The following LRFN5 variants were observed in gnomAD, a reference collection of about 807,000 sequenced individuals.
The protein encoded by LRFN5 is leucine rich repeat and fibronectin type III domain containing 5, also known as leucine-rich repeat and fibronectin type-III domain-containing protein 5.
A neutral mutation model predicts 45.6 loss-of-function variants in LRFN5; 24 were observed. That is an observed-to-expected ratio of 0.53 (90% CI 0.38 to 0.74). LRFN5 has a LOEUF of 0.74. Among genes scored for constraint, LRFN5 ranks in the 30% least tolerant of loss-of-function variants. The pLI is 0.00. For synonymous variants in LRFN5, 340 were observed against 313.8 expected (o/e 1.08, Z -0.88); for missense variants, 776 against 861.5 (o/e 0.90, Z 1.24).
At chr14:41,722,608 C>T (rs1049323264) in intron 1 of LRFN5, among the ~76,000 whole-genome samples, 32 of 150,260 alleles carry the variant, frequency 2.1e-4, no homozygotes, top group African/African-American at 7.6e-4. Flanking sequence ...TTTGTCCCCA[C>T]TCCGGGGTGT....
chr14:41,764,781 C>T (rs906999592), intron 1 of LRFN5, among the ~76,000 whole-genome samples: 5 of 130,474 alleles, frequency 3.8e-5, no homozygotes, highest in Non-Finnish European at 5.4e-5. Flanking sequence ...TATTTACTAA[C>T]ATGTGTGCAG....
At chr14:41,818,629 T>C (rs1888003681) in intron 2 of LRFN5, among the ~76,000 whole-genome samples, 1 of 152,114 alleles carries the variant, frequency 6.6e-6, no homozygotes, top group African/African-American at 2.4e-5. Flanking sequence ...ATCTTTCAAG[T>C]TTGTTGTGGC....
At chr14:41,706,221 C>T (rs986917618) in intron 1 of LRFN5, among the ~76,000 whole-genome samples, 11 of 152,124 alleles carry the variant, frequency 7.2e-5, no homozygotes, top group African/African-American at 2.4e-4. Flanking sequence ...CCACCTCAGC[C>T]TCCTGAGTAG....
rs542655105 is a variant in LRFN5 at position 41,710,446 on chromosome 14, A to G, written c.-196-56408A>G. 2.0e-5 allele frequency among the ~76,000 whole-genome samples: 3 copies of G among 152,152 alleles called. No individual in the cohort carries two copies. The East Asian group carries it at 5.8e-4, about 29-fold the overall frequency. On this transcript the variant is annotated intron_variant, in intron 1 of 5. Coordinates refer to ENST00000298119, the MANE Select transcript of LRFN5 (RefSeq NM_152447.5). Reference sequence around the variant, plus strand: ...GTTATATCTTTTCAAATATGTATTCAGTAGAGGGTTTCCTGTTAATGTAGG... The same window carrying G: ...GTTATATCTTTTCAAATATGTATTCGGTAGAGGGTTTCCTGTTAATGTAGG...
At chr14:41,731,564 C>T (rs1454509240) in intron 1 of LRFN5, among the ~76,000 whole-genome samples, 2 of 152,098 alleles carry the variant, frequency 1.3e-5, no homozygotes, top group Non-Finnish European at 2.9e-5. Context: ...TGCAGTCTTG[C>T]ATCAGATAGA....
chr14:41,612,776 A>T (rs372730492), intron 1 of LRFN5, among the ~76,000 whole-genome samples: 1 of 152,102 alleles, frequency 6.6e-6, no homozygotes, highest in African/African-American at 2.4e-5. Context: ...TATTGAAGCT[A>T]TTCCAGTTAG....
In LRFN5 at chr14:41,658,998, C is replaced by G. The variant is rs532611718; in HGVS notation, c.-197+50436C>G. ...CCGTGTTTTCTTTTTTTCTTAGCCC[C>G]TAAAATTTCTTTTGGCTCTATTACA... On this transcript the variant is annotated intron_variant, in intron 1 of 5. Transcript: ENST00000298119. 4.0e-5 allele frequency among the ~76,000 whole-genome samples: 6 copies of G among 151,854 alleles called. No homozygotes were observed. The East Asian group carries it at 7.8e-4, about 20-fold the overall frequency.
intron 1 of LRFN5, among the ~76,000 whole-genome samples, chr14:41,762,917 AACAACTC>A (rs1273806433): frequency 3.9e-5 from 6 of 152,194 alleles, no homozygotes; most frequent in Non-Finnish European, 8.8e-5. Flanking sequence ...ATAAAGGTAG[AACAACTC>A]ATTCTTTATT....
At chr14:41,864,088 T>C (rs1272981503) in intron 2 of LRFN5, among the ~76,000 whole-genome samples, 5 of 152,174 alleles carry the variant, frequency 3.3e-5, no homozygotes, top group Non-Finnish European at 7.3e-5. Context: ...GGCATTTGGG[T>C]TGGTTTCAAG....
chr14:41,874,807 G>T (rs1210709803), intron 2 of LRFN5, among the ~76,000 whole-genome samples: 1 of 152,154 alleles, frequency 6.6e-6, no homozygotes, highest in Non-Finnish European at 1.5e-5. Context: ...TAGCGGGGCT[G>T]GAAAGGCCTC....
chr14:41,843,714 G>A (rs552555363), intron 2 of LRFN5, among the ~76,000 whole-genome samples: 3 of 151,966 alleles, frequency 2.0e-5, no homozygotes, highest in Non-Finnish European at 4.4e-5. Flanking sequence ...TCTTGCCTAC[G>A]TATACATATA....
At chr14:41,853,809 T>C (rs1889357263) in intron 2 of LRFN5, among the ~76,000 whole-genome samples, 1 of 152,102 alleles carries the variant, frequency 6.6e-6, no homozygotes, top group Admixed American at 6.6e-5. Context: ...ATTCTAGTGG[T>C]ATAGCAATGT....
intron 2 of LRFN5, among the ~76,000 whole-genome samples, chr14:41,784,585 A>C (rs1886648745): frequency 6.7e-6 from 1 of 150,290 alleles, no homozygotes; most frequent in Non-Finnish European, 1.5e-5. Flanking sequence ...TTTTTTCTTC[A>C]TTTGCCTAAG....
chr14:41,737,601 C>T (rs535910027), intron 1 of LRFN5, among the ~76,000 whole-genome samples: 10 of 152,104 alleles, frequency 6.6e-5, no homozygotes, highest in African/African-American at 2.2e-4. Flanking sequence ...TTTAGAAAAC[C>T]CCATCATCTC....
chr14:41,732,951 T>A (rs1451833190), intron 1 of LRFN5, among the ~76,000 whole-genome samples: 2 of 149,980 alleles, frequency 1.3e-5, no homozygotes, highest in Admixed American at 1.3e-4. Flanking sequence ...AAGAAAAAAA[T>A]TCACTAGAGG....
At chr14:41,850,134 A>T (rs923060922) in intron 2 of LRFN5, among the ~76,000 whole-genome samples, 14 of 151,956 alleles carry the variant, frequency 9.2e-5, no homozygotes. Flanking sequence ...ATGCATGTAT[A>T]GTGCATGTAT....
chr14:41,699,737 C>T (rs529607052), intron 1 of LRFN5: 2 of 152,180 alleles, frequency 1.3e-5, no homozygotes, highest in South Asian at 4.1e-4. Flanking sequence ...CAACCCCAGA[C>T]ACTAATCAGG....
In LRFN5 at chr14:41,606,963, A is replaced by G. The variant is rs1028485830; in HGVS notation, c.-1796A>G. Among the ~76,000 whole-genome samples, 22 of 151,864 alleles carry G rather than the reference A, an allele frequency of 1.4e-4. No homozygotes were observed. The highest frequency in any genetic ancestry group is 5.9e-5 in the Non-Finnish European group (4 of 67,920). ...GTTGCCCACACGCGACGCTTTGGGA[A>G]GCCCAGCTCCCGGGTCCGCCCCGGC... On this transcript the variant is annotated 5_prime_UTR_variant, in exon 1 of 6. Coordinates refer to ENST00000298119, the MANE Select transcript of LRFN5 (RefSeq NM_152447.5).
chr14:41,890,154 G>A (rs533883386), intron 3 of LRFN5, among the ~76,000 whole-genome samples: 12 of 152,116 alleles, frequency 7.9e-5, no homozygotes, highest in African/African-American at 2.4e-4. Flanking sequence ...ATGAGCCACC[G>A]CAGTGAAAGT....
Sources: gnomAD v4.1 joint callset for allele counts (sites outside exome capture counted in the v4.1 genomes callset) on GRCh38, gnomAD v4.1.1 for gene constraint, MANE v1.5 for transcripts, NCBI Gene and HGNC (gene_info 2026-07-23, HGNC 2026-07-21) for gene names.